Variants in CNBD1 observed in about 807,000 individuals in gnomAD.
The protein encoded by CNBD1 is cyclic nucleotide-binding domain-containing protein 1.
A neutral mutation model predicts 54.4 loss-of-function variants in CNBD1; 71 were observed. That is an observed-to-expected ratio of 1.30 (90% CI 1.08 to 1.59). The LOEUF (loss-of-function observed/expected upper bound fraction) is 1.59, where lower values mean the gene tolerates loss of function less well. Ranked by LOEUF, CNBD1 falls within the 40% of genes most tolerant of loss-of-function variation. The pLI, the probability that CNBD1 is intolerant of heterozygous loss-of-function variation, is 0.00. For synonymous variants in CNBD1, 182 were observed against 170.7 expected (o/e 1.07, Z -0.51); for missense variants, 659 against 518.0 (o/e 1.27, Z -2.64).
intron 10 of CNBD1, among the ~76,000 whole-genome samples, chr8:87,379,585 A>G (rs1811031227): frequency 6.6e-6 from 1 of 152,004 alleles, no homozygotes; most frequent in South Asian, 2.1e-4. Flanking sequence ...TGATGACTAG[A>G]GAACTGCATT....
At chr8:87,123,171 T>TA (rs1811923140) in intron 4 of CNBD1, among the ~76,000 whole-genome samples, 1 of 151,848 alleles carries the variant, frequency 6.6e-6, no homozygotes, top group African/African-American at 2.4e-5. Context: ...CAAATATACC[T>TA]AACACACATA....
intron 8 of CNBD1, among the ~76,000 whole-genome samples, chr8:87,313,643 T>C (rs896114624): frequency 2.6e-5 from 4 of 151,962 alleles, no homozygotes; most frequent in African/African-American, 9.7e-5. Context: ...GTGATGTTTT[T>C]TTCTTCTTCT....
At chr8:86,918,378 C>A (rs891634643) in intron 3 of CNBD1, among the ~76,000 whole-genome samples, 1 of 152,100 alleles carries the variant, frequency 6.6e-6, no homozygotes, top group Non-Finnish European at 1.5e-5. Context: ...GTTCATATTA[C>A]ACAGGTTTAC....
At chr8:87,389,372 C>A (rs1319919010) in intron 2 of CNBD1, among the ~76,000 whole-genome samples, 3 of 152,308 alleles carry the variant, frequency 2.0e-5, no homozygotes, top group Non-Finnish European at 2.9e-5. Context: ...AGCCCAAAAT[C>A]TCTTCAAGCT....
rs545175840 is a variant in CNBD1, at chr8:87,397,166, T to C, written c.214-31380T>C. Among the ~76,000 whole-genome samples, 15 of 152,058 alleles carry C rather than the reference T, an allele frequency of 9.9e-5. 1 individual carries two copies. The South Asian group carries it at 2.7e-3, about 27-fold the overall frequency. On this transcript the variant is annotated intron_variant, in intron 2 of 7. Transcript: ENST00000521593. ...CCTTATTTTTTTATTTTGCATATAT[T>C]TTGGGTTATTCTTATGCCCTATTTC... is the stretch of plus-strand genomic sequence containing the variant.
At chr8:87,415,113 C>T (rs112561940) in intron 2 of CNBD1, among the ~76,000 whole-genome samples, 2 of 151,976 alleles carry the variant, frequency 1.3e-5, no homozygotes, top group Admixed American at 6.6e-5. Context: ...TGAGTGTATC[C>T]CCAAAGGTGC....
chr8:87,081,568 C>T (rs757426881), intron 4 of CNBD1, among the ~76,000 whole-genome samples: 36 of 150,204 alleles, frequency 2.4e-4, no homozygotes, highest in South Asian at 4.2e-4. Flanking sequence ...TGCAGTGGCG[C>T]GACCTCGGCT....
chr8:87,263,252 G>T (rs1249630402), intron 6 of CNBD1, among the ~76,000 whole-genome samples: 1 of 152,068 alleles, frequency 6.6e-6, no homozygotes, highest in Non-Finnish European at 1.5e-5. Context: ...CTTGTCATTT[G>T]TGTGAAAACC....
At chr8:87,269,395 G>A (rs533857273) in intron 6 of CNBD1, among the ~76,000 whole-genome samples, 47 of 152,038 alleles carry the variant, frequency 3.1e-4, no homozygotes, top group Non-Finnish European at 5.3e-4. Flanking sequence ...AATTTGTTTG[G>A]CAATTCAAGC....
At chr8:86,990,522 G>A (rs1303919403) in intron 4 of CNBD1, among the ~76,000 whole-genome samples, 1 of 152,010 alleles carries the variant, frequency 6.6e-6, no homozygotes. Context: ...TTTGTTTCTG[G>A]GTTGTCTATT....
chr8:87,385,243 A>C (rs1018934092), downstream of CNBD1, among the ~76,000 whole-genome samples: 1 of 152,136 alleles, frequency 6.6e-6, no homozygotes, highest in Non-Finnish European at 1.5e-5. Context: ...TACCGGGTTC[A>C]TCTCACTGGG....
chr8:87,397,683 T>C (rs1811433891), intron 2 of CNBD1, among the ~76,000 whole-genome samples: 1 of 151,978 alleles, frequency 6.6e-6, no homozygotes, highest in South Asian at 2.1e-4. Flanking sequence ...GCTTTAATTT[T>C]GCTGTTATCA....
chr8:87,216,672 A>G (rs73690129), intron 5 of CNBD1, among the ~76,000 whole-genome samples: 3,018 of 152,044 alleles, frequency 0.02, 88 homozygotes, highest in African/African-American at 0.068. Flanking sequence ...TCAAAATCTT[A>G]CTAGTTCTAC....
chr8:87,392,582 T>G (rs560757171), intron 2 of CNBD1, among the ~76,000 whole-genome samples: 1 of 152,116 alleles, frequency 6.6e-6, no homozygotes, highest in East Asian at 1.9e-4. Context: ...TGATTTCATT[T>G]ATATGAAATG....
intron 4 of CNBD1, among the ~76,000 whole-genome samples, chr8:87,063,611 A>G (rs143998366): frequency 6.6e-6 from 1 of 152,204 alleles, no homozygotes; most frequent in African/African-American, 2.4e-5. Context: ...TGGACCCTCG[A>G]ATCACTATAT....
chr8:87,079,438 G>A (rs889934714), intron 4 of CNBD1, among the ~76,000 whole-genome samples: 1 of 151,994 alleles, frequency 6.6e-6, no homozygotes, highest in Non-Finnish European at 1.5e-5. Context: ...TCCATTATCA[G>A]TATATGAGAG....
chr8:87,217,578 T>A (rs2130806184), intron 5 of CNBD1, among the ~76,000 whole-genome samples: 1 of 151,786 alleles, frequency 6.6e-6, no homozygotes, highest in Admixed American at 6.6e-5. Context: ...TTAAGCTTTT[T>A]TTTTTTTTTT....
Position 87,411,877 on chromosome 8 carries a change from C to A in CNBD1, c.214-16669C>A, listed in dbSNP as rs114129216. ...TAAGTGACCATGAAGGGAATAGAAA[C>A]CTAAACAATATTATTGTTTAAACAG... On this transcript the variant is annotated intron_variant, in intron 2 of 7. Transcript: ENST00000521593. 9.7e-3 allele frequency among the ~76,000 whole-genome samples: 1,475 copies of A among 151,734 alleles called. 21 individuals carry two copies. The highest frequency in any genetic ancestry group is 0.033 in the African/African-American group (1,360 of 41,424).
rs191668759 is a variant in CNBD1 at position 87,414,759 on chromosome 8, A to G, written c.214-13787A>G. On this transcript the variant is annotated intron_variant, in intron 2 of 7. Transcript: ENST00000521593. ...TCAAAATTACTGGTGTGACTTGAAA[A>G]CTAAAGTAAAAAACTTGTTATTTAA... Among the ~76,000 whole-genome samples, 35 of 148,952 alleles carry G rather than the reference A, an allele frequency of 2.3e-4. No individual in the cohort carries two copies. The East Asian group carries it at 5.3e-3, about 22-fold the overall frequency.
Sources: allele counts gnomAD v4.1 joint callset (sites outside exome capture counted in the v4.1 genomes callset), GRCh38; gene constraint gnomAD v4.1.1; transcripts MANE v1.5; gene names NCBI Gene and HGNC (gene_info 2026-07-23, HGNC 2026-07-21).